Variants in MAJIN observed in about 807,000 individuals in gnomAD.
MAJIN encodes the protein membrane-anchored junction protein.
In MAJIN, 27 loss-of-function variants were observed where a neutral mutation model predicts 30.2. That is an observed-to-expected ratio of 0.89 (90% CI 0.66 to 1.23). MAJIN has a LOEUF of 1.23. MAJIN is among the 50% of genes most tolerant of loss of function. The pLI is 0.00. For synonymous variants in MAJIN, 78 were observed against 91.6 expected (o/e 0.85, Z 0.85); for missense variants, 253 against 260.3 (o/e 0.97, Z 0.19).
At chr11:64,943,476 TC>T (rs2136724629) in intron 8 of MAJIN, among the ~76,000 whole-genome samples, 1 of 152,248 alleles carries the variant, frequency 6.6e-6, no homozygotes, top group South Asian at 2.1e-4. Flanking sequence ...ACACCCTAAC[TC>T]CCTGCAAAGG....
chr11:64,972,041 G>C lies in MAJIN; in HGVS notation c.-229C>G, dbSNP rs1158468077. The C allele has an allele frequency of 6.6e-6, 1 of 152,180 alleles. No individual in the cohort carries two copies. Among genetic ancestry groups the C allele is most frequent in the Non-Finnish European group, 1.5e-5 (1 of 68,020 alleles). 9.4% of individuals were successfully genotyped at this position (152,180 alleles called of 1,614,324 possible). A position where few individuals can be genotyped will look rare whatever the true frequency, so the allele number is the denominator to read the frequency against. ...CGAAGTCGTTTTGAGGGACTGGCTC[G>C]CCAGCTCCTAAGCAACTTCGGGGCT... On this transcript the variant is annotated 5_prime_UTR_variant, in exon 1 of 11. Coordinates refer to ENST00000301896, the MANE Select transcript of MAJIN (RefSeq NM_001037225.3).
At position 64,959,165 on chromosome 11, in the gene MAJIN, A is replaced by C; in HGVS notation, c.101+140T>G. ...TGAATAATATATATACTGAATATAA[A>C]ATTCCTGGGAAAGACAGTCCTGCAA... On this transcript the variant is annotated intron_variant, in intron 3 of 10. Transcript: ENST00000301896. 4 of 598,184 alleles carry C rather than the reference A, an allele frequency of 6.7e-6. No homozygotes were observed. In the South Asian group the frequency reaches 9.7e-5, roughly 15 times the overall value. The allele number at this position is 598,184 out of a possible 1,614,324, so 37.1% of individuals were successfully genotyped here.
At chr11:64,940,789 C>T (rs1945362628) in intron 8 of MAJIN, 143 bp from the exon 9 acceptor site, 1 of 608,600 alleles carries the variant, frequency 1.6e-6, no homozygotes, top group Non-Finnish European at 2.9e-6. Flanking sequence ...TATTTCTTTC[C>T]ATTTCTTTCC....
In MAJIN at chr11:64,968,603, G is replaced by A. The variant is rs1423139796; in HGVS notation, c.-65+3274C>T. 2.0e-5 allele frequency among the ~76,000 whole-genome samples: 3 copies of A among 151,880 alleles called. No individual in the cohort carries two copies. In the East Asian group the frequency reaches 5.9e-4, roughly 30 times the overall value. On this transcript the variant is annotated intron_variant, in intron 1 of 10. Coordinates refer to ENST00000301896, the MANE Select transcript of MAJIN (RefSeq NM_001037225.3). ...TAATCCCAGCACTTTGGGAGGCTGA[G>A]GCGGGCGGATCATGAGGTCAGGAGA...
rs1181034296 is a variant in MAJIN, at chr11:64,958,441, C to T, written c.101+864G>A. The stretch of plus-strand genomic sequence containing the variant: ...GACCAGCCTGAGCAACACAGTGAGA[C>T]TTCATTTCTACAAAAAAAATTTTAA... On this transcript the variant is annotated intron_variant, in intron 3 of 10. Transcript: ENST00000301896. 2.6e-5 allele frequency among the ~76,000 whole-genome samples: 4 copies of T among 151,546 alleles called. No individual in the cohort carries two copies. The South Asian group carries it at 8.3e-4, about 32-fold the overall frequency.
chr11:64,966,635 AG>A (rs1945814258), intron 1 of MAJIN, among the ~76,000 whole-genome samples: 1 of 152,148 alleles, frequency 6.6e-6, no homozygotes, highest in African/African-American at 2.4e-5. Flanking sequence ...TAAGGAGATA[AG>A]AATTGTACTC....
intron 1 of MAJIN, among the ~76,000 whole-genome samples, chr11:64,969,783 C>T (rs933782866): frequency 2.0e-5 from 3 of 151,822 alleles, no homozygotes; most frequent in African/African-American, 7.3e-5. Flanking sequence ...CTCTGCCTCC[C>T]GGGTTCAAGC....
intron 1 of MAJIN, among the ~76,000 whole-genome samples, chr11:64,967,950 A>C (rs1041128244): frequency 6.6e-6 from 1 of 152,226 alleles, no homozygotes; most frequent in South Asian, 2.1e-4. Context: ...TTTAGCTAGT[A>C]TGGCCAGTGA....
At chr11:64,952,198 G>C (rs1945563224) in intron 4 of MAJIN, among the ~76,000 whole-genome samples, 1 of 147,230 alleles carries the variant, frequency 6.8e-6, no homozygotes, top group African/African-American at 2.5e-5. Flanking sequence ...CTTTTTTTTT[G>C]AGATGAAGTT....
At chr11:64,949,021 C>T (rs905827096) in intron 6 of MAJIN, among the ~76,000 whole-genome samples, 32 of 151,098 alleles carry the variant, frequency 2.1e-4, no homozygotes, top group African/African-American at 7.3e-4. Flanking sequence ...CACCCATGGC[C>T]TTCAGAGAAT....
chr11:64,970,563 C>T (rs1029257618), intron 1 of MAJIN, among the ~76,000 whole-genome samples: 6 of 151,190 alleles, frequency 4.0e-5, no homozygotes, highest in Admixed American at 3.9e-4. Context: ...GACCAGGTTT[C>T]ACCATGTTGG....
intron 8 of MAJIN, among the ~76,000 whole-genome samples, chr11:64,942,200 A>G (rs1033105925): frequency 3.3e-5 from 5 of 151,986 alleles, no homozygotes; most frequent in African/African-American, 1.2e-4. Flanking sequence ...GGAGCTCCTC[A>G]AGCTGTTTTG....
At chr11:64,962,233 T>G (rs1256813732) in intron 1 of MAJIN, among the ~76,000 whole-genome samples, 2 of 152,332 alleles carry the variant, frequency 1.3e-5, no homozygotes, top group South Asian at 4.1e-4. Flanking sequence ...GCTGGCTGTC[T>G]GAAAGAAGAA....
chr11:64,967,293 C>T (rs1945826947), intron 1 of MAJIN, among the ~76,000 whole-genome samples: 1 of 151,908 alleles, frequency 6.6e-6, no homozygotes, highest in African/African-American at 2.4e-5. Context: ...GTAATCCCAG[C>T]TACTCTGGAG....
rs58387921 is a variant in MAJIN, at chr11:64,966,145, G to GAAAAAAAAAAAA, written c.-65+5720_-65+5731dup. On this transcript the variant is annotated intron_variant, in intron 1 of 10. Coordinates refer to ENST00000301896, the MANE Select transcript of MAJIN (RefSeq NM_001037225.3). ...ACATGTAAGGAAGAAGATTAAAAAT[G>GAAAAAAAAAAAA]AAAAAAAAAAAAAAAAAAAAGCAGC... Among the ~76,000 whole-genome samples the GAAAAAAAAAAAA allele has an allele frequency of 1.0e-3, 59 of 57,122 alleles. 9 individuals carry two copies. The highest frequency in any genetic ancestry group is 1.3e-3 in the Non-Finnish European group (44 of 33,442). 37.5% of individuals were successfully genotyped at this position (57,122 alleles called of 152,430 possible). A position where few individuals can be genotyped will look rare whatever the true frequency, so the allele number is the denominator to read the frequency against.
At chr11:64,946,256 G>T (rs1319287978) in intron 8 of MAJIN, 16 of 1,253,184 alleles carry the variant, frequency 1.3e-5, no homozygotes, top group Non-Finnish European at 1.7e-5. Flanking sequence ...GTTGGCTATT[G>T]TTATACTACT....
chr11:64,940,276 A>G (rs1945354426), intron 9 of MAJIN, among the ~76,000 whole-genome samples: 1 of 152,230 alleles, frequency 6.6e-6, no homozygotes, highest in South Asian at 2.1e-4. Flanking sequence ...CAACATTTCT[A>G]TAAAGTTTAT....
At chr11:64,956,663 G>A (rs940776789) in intron 3 of MAJIN, among the ~76,000 whole-genome samples, 7 of 144,042 alleles carry the variant, frequency 4.9e-5, no homozygotes, top group African/African-American at 1.0e-4. Context: ...CCCAAACTAC[G>A]ATTTGTCCAG....
intron 1 of MAJIN, among the ~76,000 whole-genome samples, chr11:64,967,670 C>T (rs911483744): frequency 2.0e-5 from 3 of 151,948 alleles, no homozygotes; most frequent in Admixed American, 2.0e-4. Flanking sequence ...ACACAGTGGG[C>T]AAGAAAGACA....
Sources: allele counts gnomAD v4.1 joint callset (sites outside exome capture counted in the v4.1 genomes callset), GRCh38; gene constraint gnomAD v4.1.1; transcripts MANE v1.5; gene names NCBI Gene and HGNC (gene_info 2026-07-23, HGNC 2026-07-21).